Variants in LYSMD2 observed in about 807,000 individuals in gnomAD.
The protein encoded by LYSMD2 is LysM domain containing 2.
A neutral mutation model predicts 17.7 loss-of-function variants in LYSMD2; 6 were observed. That is an observed-to-expected ratio of 0.34 (90% CI 0.19 to 0.67). The LOEUF is 0.67. LYSMD2 is among the 30% of genes least tolerant of loss of function. The probability of loss-of-function intolerance (pLI) is 0.69; values close to 1 mark genes in which losing one functional copy is unlikely to be tolerated. For missense variants in LYSMD2, 237 were observed against 286.7 expected (o/e 0.83, Z 1.25); for synonymous variants, 102 against 129.8 (o/e 0.79, Z 1.45).
At chr15:51,737,725 A>C, upstream of LYSMD2, 2 of 897,314 alleles carry the variant, frequency 2.2e-6, no homozygotes, top group South Asian at 5.7e-5. The surrounding 1 kb of genome is among the most constrained non-coding windows in gnomAD (Gnocchi z 4.2). Flanking sequence ...GGGCTGCAGC[A>C]GGCCGTTCCG....
chr15:51,739,132 C>T (rs2055630908), upstream of LYSMD2, among the ~76,000 whole-genome samples: 1 of 151,754 alleles, frequency 6.6e-6, no homozygotes, highest in Non-Finnish European at 1.5e-5. Context: ...TTTTTCCCAC[C>T]TGCCCAACTG....
upstream of LYSMD2, among the ~76,000 whole-genome samples, chr15:51,738,403 G>A (rs968180971): frequency 1.3e-5 from 2 of 152,046 alleles, no homozygotes; most frequent in Non-Finnish European, 2.9e-5. Context: ...CATTCTCCAG[G>A]CTCAGTAGTT....
At chr15:51,749,271 T>C (rs1339529328) in intron 1 of LYSMD2, among the ~76,000 whole-genome samples, 7 of 152,226 alleles carry the variant, frequency 4.6e-5, no homozygotes, top group African/African-American at 1.7e-4. Context: ...TATCTTTCCA[T>C]TAAGTTTTAA....
chr15:51,737,752 GA>G, upstream of LYSMD2: 1 of 692,354 alleles, frequency 1.4e-6, no homozygotes, highest in Non-Finnish European at 2.0e-6. This position sits in a 1 kb window ranked among gnomAD's most constrained non-coding sequence, Gnocchi z 4.2. Flanking sequence ...CGGCGGACGG[GA>G]AGCCGAGGCG....
At chr15:51,733,480 C>G (rs1007883152) in intron 1 of LYSMD2, among the ~76,000 whole-genome samples, 20 of 151,626 alleles carry the variant, frequency 1.3e-4, no homozygotes, top group Non-Finnish European at 4.4e-5. Context: ...GAAAACATGG[C>G]AGGGAAGTTG....
Position 51,725,047 on chromosome 15 carries a change from T to C in LYSMD2, c.348A>G (p.Pro116=). Residue 116 remains proline, a synonymous_variant, in exon 2 of 3, where the codon CCA becomes CCG. Transcript: ENST00000267838. The stretch of plus-strand genomic sequence containing the variant: ...ACAACAAAGGCTTCTCTGATATAAC[T>C]GGGATGTTCAAAGTTTTCTTCAGAA... The part of the protein sequence containing the change: ...CIFLKKTLNI[P]VISEKPLLFN... The C allele has an allele frequency of 6.2e-7, 1 of 1,613,608 alleles. No individual in the cohort carries two copies. Among genetic ancestry groups the C allele is most frequent in the Non-Finnish European group, 8.5e-7 (1 of 1,179,552 alleles).
At chr15:51,751,336 T>C in exon 1 of LYSMD2, 1 of 702,058 alleles carries the variant, frequency 1.4e-6, no homozygotes. Flanking sequence ...CATCACAGGC[T>C]TGAAAGCCTT....
chr15:51,731,250 T>A (rs530934528), intron 1 of LYSMD2, among the ~76,000 whole-genome samples: 1 of 152,268 alleles, frequency 6.6e-6, no homozygotes, highest in Admixed American at 6.5e-5. Context: ...AATAAAGGTG[T>A]TTAAAAAAAT....
chr15:51,742,392 G>A (rs921719940), upstream of LYSMD2, among the ~76,000 whole-genome samples: 2 of 151,910 alleles, frequency 1.3e-5, no homozygotes, highest in Non-Finnish European at 2.9e-5. Context: ...ATCTACTTTC[G>A]GTCATATTAA....
At chr15:51,749,857 T>C (rs947556541) in intron 1 of LYSMD2, among the ~76,000 whole-genome samples, 23 of 152,224 alleles carry the variant, frequency 1.5e-4, no homozygotes, top group African/African-American at 5.3e-4. Context: ...CTTAAAGTAA[T>C]TTGGTCACAC....
At chr15:51,748,924 C>G (rs2055683100) in intron 1 of LYSMD2, among the ~76,000 whole-genome samples, 1 of 152,210 alleles carries the variant, frequency 6.6e-6, no homozygotes, top group Non-Finnish European at 1.5e-5. Context: ...GCTACATATT[C>G]CACTGTGAAT....
At chr15:51,731,094 G>A (rs2055573737) in intron 1 of LYSMD2, among the ~76,000 whole-genome samples, 1 of 152,224 alleles carries the variant, frequency 6.6e-6, no homozygotes, top group Non-Finnish European at 1.5e-5. Context: ...CAAAGAGTGA[G>A]AGGAATGGAT....
upstream of LYSMD2, among the ~76,000 whole-genome samples, chr15:51,741,369 T>A (rs2055641830): frequency 6.6e-6 from 1 of 152,232 alleles, no homozygotes; most frequent in African/African-American, 2.4e-5. Context: ...TATAGATTGA[T>A]TAAAGACATA....
chr15:51,750,686 A>G (rs891552677), intron 1 of LYSMD2, among the ~76,000 whole-genome samples: 1 of 152,132 alleles, frequency 6.6e-6, no homozygotes, highest in African/African-American at 2.4e-5. Context: ...GATGCCATGT[A>G]TTTTCATAAT....
chr15:51,739,522 C>G (rs1011577413), upstream of LYSMD2, among the ~76,000 whole-genome samples: 1 of 152,132 alleles, frequency 6.6e-6, no homozygotes, highest in Non-Finnish European at 1.5e-5. Context: ...TAGACAAGAT[C>G]TGGTAATGTT....
At chr15:51,741,926 A>G (rs1156234179), upstream of LYSMD2, among the ~76,000 whole-genome samples, 1 of 150,004 alleles carries the variant, frequency 6.7e-6, no homozygotes, top group Non-Finnish European at 1.5e-5. Flanking sequence ...TCTCACAAAA[A>G]TAATAATTAA....
upstream of LYSMD2, chr15:51,738,157 C>G (rs1488724409): frequency 7.5e-6 from 1 of 133,682 alleles, no homozygotes; most frequent in Non-Finnish European, 1.6e-5. Context: ...CCCCAGTGAC[C>G]TCAAAGTCCA....
chr15:51,726,612 A>G lies in LYSMD2; in HGVS notation c.274-1491T>C, dbSNP rs1367389095. 3.3e-5 allele frequency among the ~76,000 whole-genome samples: 5 copies of G among 152,220 alleles called. No homozygotes were observed. The East Asian group carries it at 9.6e-4, about 29-fold the overall frequency. On this transcript the variant is annotated intron_variant, in intron 1 of 2. Transcript: ENST00000267838. Reference sequence around the variant, plus strand: ...CTACTGCTTTCTGCTGGAAGGAGATAGGCTGGAGATGCTGGCAGTCATCCT... The same window carrying G: ...CTACTGCTTTCTGCTGGAAGGAGATGGGCTGGAGATGCTGGCAGTCATCCT...
At chr15:51,748,702 G>A (rs542493697) in intron 1 of LYSMD2, among the ~76,000 whole-genome samples, 3 of 152,310 alleles carry the variant, frequency 2.0e-5, no homozygotes, top group South Asian at 2.1e-4. Context: ...CCAGAACTGG[G>A]TCACATGTCC....
Sources: allele counts gnomAD v4.1 joint callset (sites outside exome capture counted in the v4.1 genomes callset), GRCh38; gene constraint gnomAD v4.1.1; non-coding constraint Gnocchi (gnomAD v3.1); transcripts MANE v1.5; gene names NCBI Gene and HGNC (gene_info 2026-07-23, HGNC 2026-07-21).